SEZ6L: variants seen among roughly 807,000 people sequenced by gnomAD.
SEZ6L encodes seizure 6-like protein.
A neutral mutation model predicts 106.2 loss-of-function variants in SEZ6L; 37 were observed. The observed-to-expected ratio is 0.35, with a 90% CI of 0.27 to 0.46. SEZ6L has a LOEUF of 0.46. SEZ6L is among the 20% of genes least tolerant of loss of function. SEZ6L has a pLI of 1.00. For missense variants in SEZ6L, 1,172 were observed against 1,332.8 expected, an observed-to-expected ratio of 0.88 and a Z score of 1.88; for synonymous variants, 541 against 570.4, an observed-to-expected ratio of 0.95 and a Z score of 0.73.
chr22:26,381,914 C>T lies in SEZ6L; in HGVS notation c.*1619C>T, dbSNP rs982764465. On this transcript the variant is annotated 3_prime_UTR_variant, in exon 17 of 17. Coordinates refer to ENST00000248933, the MANE Select transcript of SEZ6L (RefSeq NM_021115.5). ...TGCTGGTTTTCAAACAAGAAAAGAC[C>T]TTTCTGGCCATAGGGAGAATAGCAG... The T allele has an allele frequency of 1.6e-5, 7 of 443,822 alleles. No individual in the cohort carries two copies. Among genetic ancestry groups the T allele is most frequent in the African/African-American group, 1.4e-4 (7 of 48,886 alleles). The allele number at this position is 443,822 out of a possible 1,614,324, so 27.5% of individuals were successfully genotyped here.
intron 11 of SEZ6L, among the ~76,000 whole-genome samples, chr22:26,350,825 T>C (rs994108148): frequency 1.3e-5 from 2 of 151,816 alleles, no homozygotes; most frequent in South Asian, 4.2e-4. Context: ...CCAGGCTAAT[T>C]TTTTGTGTTT....
chr22:26,179,236 A>G (rs1327942433), intron 1 of SEZ6L, among the ~76,000 whole-genome samples: 1 of 152,128 alleles, frequency 6.6e-6, no homozygotes, highest in African/African-American at 2.4e-5. Flanking sequence ...AAAAAATTCT[A>G]AAAATTAGCC....
intron 1 of SEZ6L, among the ~76,000 whole-genome samples, chr22:26,246,500 C>T (rs1209218121): frequency 6.6e-6 from 1 of 151,882 alleles, no homozygotes; most frequent in Non-Finnish European, 1.5e-5. Context: ...ATATTCGTCT[C>T]AGTGGAAAAG....
chr22:26,282,059 C>T (rs568383871), intron 1 of SEZ6L, among the ~76,000 whole-genome samples: 5 of 152,296 alleles, frequency 3.3e-5, no homozygotes, highest in East Asian at 1.9e-4. Flanking sequence ...TTGCTTAACT[C>T]GTCTGCATAG....
intron 1 of SEZ6L, among the ~76,000 whole-genome samples, chr22:26,228,110 A>G (rs985071469): frequency 7.7e-4 from 117 of 152,354 alleles, no homozygotes; most frequent in African/African-American, 2.7e-3. Flanking sequence ...AGGATAACAC[A>G]GGCACCCACC....
At chr22:26,305,382 C>T (rs1181982593) in intron 5 of SEZ6L, among the ~76,000 whole-genome samples, 1 of 152,176 alleles carries the variant, frequency 6.6e-6, no homozygotes, top group Non-Finnish European at 1.5e-5. Context: ...CACTAAATTG[C>T]CCTCCCGAAA....
intron 12 of SEZ6L, among the ~76,000 whole-genome samples, chr22:26,357,192 G>T (rs538808243): frequency 1.3e-5 from 2 of 152,124 alleles, no homozygotes; most frequent in East Asian, 3.9e-4. Flanking sequence ...TGATCCACCC[G>T]CCTTGACCTC....
intron 1 of SEZ6L, among the ~76,000 whole-genome samples, chr22:26,246,917 G>C (rs1247070509): frequency 1.3e-5 from 2 of 152,142 alleles, no homozygotes; most frequent in Admixed American, 1.3e-4. Context: ...TCAGATAAAT[G>C]GGGGTGACAA....
chr22:26,373,248 T>C (rs546729968), intron 13 of SEZ6L, among the ~76,000 whole-genome samples: 13 of 152,352 alleles, frequency 8.5e-5, no homozygotes, highest in Non-Finnish European at 1.0e-4. Flanking sequence ...TTGGGTCTTA[T>C]CTATCTCATC....
intron 1 of SEZ6L, among the ~76,000 whole-genome samples, chr22:26,183,420 C>T (rs1045696872): frequency 7.2e-5 from 11 of 152,176 alleles, no homozygotes; most frequent in Non-Finnish European, 1.5e-4. Flanking sequence ...GGGCAGGGGG[C>T]AACTTTCTCC....
At chr22:26,264,491 A>G (rs2080114541) in intron 1 of SEZ6L, among the ~76,000 whole-genome samples, 2 of 152,236 alleles carry the variant, frequency 1.3e-5, no homozygotes, top group Non-Finnish European at 2.9e-5. Flanking sequence ...AGAACCCATG[A>G]AATTATCAAA....
intron 1 of SEZ6L, among the ~76,000 whole-genome samples, chr22:26,250,913 T>C (rs2079555747): frequency 6.6e-6 from 1 of 152,198 alleles, no homozygotes; most frequent in Non-Finnish European, 1.5e-5. Flanking sequence ...TATATATTTT[T>C]GAGGTAGCTA....
chr22:26,241,593 G>A (rs1194329616), intron 1 of SEZ6L, among the ~76,000 whole-genome samples: 5 of 152,124 alleles, frequency 3.3e-5, no homozygotes, highest in Admixed American at 2.0e-4. Context: ...GCTCATTAGC[G>A]GGAAATTGAC....
chr22:26,203,339 C>A (rs1941094579), intron 1 of SEZ6L, among the ~76,000 whole-genome samples: 1 of 152,210 alleles, frequency 6.6e-6, no homozygotes, highest in Non-Finnish European at 1.5e-5. Context: ...CTCTGCATCC[C>A]AGATATGTTC....
intron 9 of SEZ6L, among the ~76,000 whole-genome samples, chr22:26,335,850 A>G (rs150983070): frequency 5.3e-4 from 81 of 152,302 alleles, no homozygotes; most frequent in African/African-American, 1.9e-3. Context: ...CACAAAAGAA[A>G]GACACCTGCC....
At chr22:26,319,084 T>C (rs1453219014) in intron 9 of SEZ6L, among the ~76,000 whole-genome samples, 1 of 152,170 alleles carries the variant, frequency 6.6e-6, no homozygotes, top group Non-Finnish European at 1.5e-5. Context: ...TACAAGCCCG[T>C]ATGAGCCTGC....
chr22:26,269,752 G>C (rs1303255989), intron 1 of SEZ6L, among the ~76,000 whole-genome samples: 3 of 152,194 alleles, frequency 2.0e-5, no homozygotes, highest in Non-Finnish European at 4.4e-5. Context: ...GATGCTGTTT[G>C]CTATCTGCCA....
chr22:26,315,148 A>G (rs2081961209), intron 9 of SEZ6L, among the ~76,000 whole-genome samples: 2 of 152,348 alleles, frequency 1.3e-5, no homozygotes, highest in South Asian at 4.1e-4. Context: ...TTTTCAAATT[A>G]TTAGTGACCG....
At chr22:26,231,297 C>G (rs551325230) in intron 1 of SEZ6L, among the ~76,000 whole-genome samples, 1 of 152,278 alleles carries the variant, frequency 6.6e-6, no homozygotes, top group South Asian at 2.1e-4. Context: ...GGGACAGTAA[C>G]TTCTGGGTGT....
Sources: allele counts gnomAD v4.1 joint callset (sites outside exome capture counted in the v4.1 genomes callset), GRCh38; gene constraint gnomAD v4.1.1; transcripts MANE v1.5; gene names NCBI Gene and HGNC (gene_info 2026-07-23, HGNC 2026-07-21).